The following PYGB variants were observed in gnomAD, a reference collection of about 807,000 sequenced individuals.
PYGB encodes the protein glycogen phosphorylase B, also known as glycogen phosphorylase, brain form.
PYGB carries 82 observed loss-of-function variants against 94.3 expected under a neutral mutation model. The ratio of observed to expected loss-of-function variants is 0.87; its 90% CI spans 0.73 to 1.04. PYGB has a LOEUF of 1.04. Among genes scored for constraint, PYGB ranks in the 50% least tolerant of loss-of-function variants. The pLI is 0.00. For synonymous variants in PYGB, 488 were observed against 479.1 expected (o/e 1.02, Z -0.24); for missense variants, 1,132 against 1,158.2 (o/e 0.98, Z 0.33).
chr20:25,271,509 A>T, intron 4 of PYGB, 23 bp downstream of exon 4: 1 of 1,592,724 alleles, frequency 6.3e-7, no homozygotes, highest in East Asian at 2.2e-5. Context: ...TCATTTCTTC[A>T]CTGGTTTCCA....
intron 5 of PYGB, 93 bp downstream of exon 5, chr20:25,274,816 G>C (rs2088296786): frequency 9.3e-6 from 14 of 1,511,956 alleles, no homozygotes; most frequent in South Asian, 3.8e-5. Context: ...TTTTGGCTTG[G>C]GGGGCTTGCT....
chr20:25,290,568 G>A lies in PYGB; in HGVS notation c.1915G>A (p.Asp639Asn). The A allele has an allele frequency of 1.9e-6, 3 of 1,611,028 alleles. No homozygotes were observed. Among genetic ancestry groups the A allele is most frequent in the Non-Finnish European group, 2.5e-6 (3 of 1,177,298 alleles). The change falls in exon 16 of 20, where the codon GAC becomes AAC. Residue 639 changes from aspartate (D) to asparagine (N), a missense_variant. Coordinates refer to ENST00000216962, the MANE Select transcript of PYGB (RefSeq NM_002862.4). ...CGTCAATCATGACCCAGTTGTGGGT[G>A]ACAGGTTGAAAGTGATCTTCCTGGA... ...DVVNHDPVVGDRLKVIFLENY... is the reference protein window; with the variant it reads ...DVVNHDPVVGNRLKVIFLENY...
chr20:25,268,166 C>CGCCCCG (rs1555806034), intron 2 of PYGB, among the ~76,000 whole-genome samples: 7 of 83,308 alleles, frequency 8.4e-5, no homozygotes, highest in Non-Finnish European at 1.2e-4. Flanking sequence ...CACCCGCCCC[C>CGCCCCG]CCCCCATATC....
intron 14 of PYGB, among the ~76,000 whole-genome samples, chr20:25,287,210 C>T (rs959862786): frequency 6.6e-6 from 1 of 152,250 alleles, no homozygotes; most frequent in Non-Finnish European, 1.5e-5. Flanking sequence ...CTGTGAAGAA[C>T]TTTGGGGGCC....
At chr20:25,252,128 G>A (rs370665002) in intron 1 of PYGB, among the ~76,000 whole-genome samples, 16 of 152,204 alleles carry the variant, frequency 1.1e-4, no homozygotes, top group African/African-American at 2.2e-4. Context: ...ACAGCAGATC[G>A]CTCAAAGTCA....
rs566160143 is a variant in PYGB at position 25,270,326 on chromosome 20, C to A, written c.425-1057C>A. Among the ~76,000 whole-genome samples the A allele has an allele frequency of 1.2e-4, 18 of 151,778 alleles. No homozygotes were observed. The South Asian group carries it at 3.8e-3, about 32-fold the overall frequency. On this transcript the variant is annotated intron_variant, in intron 3 of 19. Coordinates refer to ENST00000216962, the MANE Select transcript of PYGB (RefSeq NM_002862.4). Reference sequence around the variant, plus strand: ...ACGCCATTCTCCTGCCTCAGCCTCCCCAAGTAGCTGGGACTACAGGTGCCC... The same window carrying A: ...ACGCCATTCTCCTGCCTCAGCCTCCACAAGTAGCTGGGACTACAGGTGCCC...
intron 2 of PYGB, among the ~76,000 whole-genome samples, chr20:25,268,161 G>GCCCCCCC (rs11471520): frequency 2.3e-4 from 14 of 62,056 alleles, no homozygotes; most frequent in Non-Finnish European, 2.8e-4. Flanking sequence ...CCTAGCACCC[G>GCCCCCCC]CCCCCCCCCC....
intron 14 of PYGB, among the ~76,000 whole-genome samples, 177 bp downstream of exon 14, chr20:25,284,428 A>C (rs1255583744): frequency 6.6e-6 from 1 of 152,150 alleles, no homozygotes. Context: ...TGTGTGCCCC[A>C]TGCCAGGCCT....
intron 1 of PYGB, among the ~76,000 whole-genome samples, chr20:25,252,210 C>A (rs778451484): frequency 6.6e-6 from 1 of 152,214 alleles, no homozygotes; most frequent in Non-Finnish European, 1.5e-5. Flanking sequence ...GAAGGTAGGC[C>A]TCAGCTGTCA....
chr20:25,260,022 G>A (rs1213405375), intron 2 of PYGB, among the ~76,000 whole-genome samples: 3 of 152,270 alleles, frequency 2.0e-5, no homozygotes, highest in Non-Finnish European at 4.4e-5. Context: ...GTTTGGATGT[G>A]TGTGGGAGGA....
chr20:25,280,801 G>A lies in PYGB; in HGVS notation c.1240-148G>A. Reference sequence around the variant, plus strand: ...CCTGCTGGGTCTGGGAGCACTTGAGGGAGGTCTGGCTGTCACAGCCCCAGA... The same window carrying A: ...CCTGCTGGGTCTGGGAGCACTTGAGAGAGGTCTGGCTGTCACAGCCCCAGA... On this transcript the variant is annotated intron_variant, in intron 10 of 19. Coordinates refer to ENST00000216962, the MANE Select transcript of PYGB (RefSeq NM_002862.4). 2.9e-6 allele frequency: 3 copies of A among 1,031,616 alleles called. No homozygotes were observed. In the East Asian group the frequency reaches 7.5e-5, roughly 26 times the overall value. The allele number at this position is 1,031,616 out of a possible 1,614,324, so 63.9% of individuals were successfully genotyped here.
At chr20:25,264,620 A>T (rs1322437035) in intron 2 of PYGB, among the ~76,000 whole-genome samples, 8 of 152,184 alleles carry the variant, frequency 5.3e-5, no homozygotes, top group Non-Finnish European at 8.8e-5. Flanking sequence ...AAGCATTCCT[A>T]TACACCAATA....
At chr20:25,273,009 T>A (rs2088280629) in intron 4 of PYGB, among the ~76,000 whole-genome samples, 1 of 152,222 alleles carries the variant, frequency 6.6e-6, no homozygotes, top group African/African-American at 2.4e-5. Context: ...GGATGATCAG[T>A]AAGTGAAGCT....
At chr20:25,262,818 A>C (rs1270545181) in intron 2 of PYGB, among the ~76,000 whole-genome samples, 7 of 152,178 alleles carry the variant, frequency 4.6e-5, no homozygotes, top group Non-Finnish European at 1.0e-4. Context: ...TTGCAATCCT[A>C]GTCTCTGATA....
At chr20:25,276,224 G>A (rs1403292453) in intron 5 of PYGB, among the ~76,000 whole-genome samples, 1 of 152,174 alleles carries the variant, frequency 6.6e-6, no homozygotes, top group Admixed American at 6.5e-5. Context: ...GGTGATCTGC[G>A]GGGCAAGCAT....
chr20:25,271,183 G>A (rs796917053), intron 3 of PYGB, among the ~76,000 whole-genome samples, 200 bp from the exon 4 acceptor site: 52 of 152,068 alleles, frequency 3.4e-4, no homozygotes, highest in African/African-American at 6.5e-4. Context: ...CACGCCCTTC[G>A]AGTAGCCACC....
At chr20:25,283,901 G>C (rs2088392672) in intron 13 of PYGB, among the ~76,000 whole-genome samples, 1 of 152,006 alleles carries the variant, frequency 6.6e-6, no homozygotes, top group South Asian at 2.1e-4. Context: ...CCTACTCTTG[G>C]TGTGGACCCA....
At chr20:25,296,232 G>A (rs1026161533) in intron 19 of PYGB, 138 bp from the exon 20 acceptor site, 31 of 1,058,760 alleles carry the variant, frequency 2.9e-5, no homozygotes, top group South Asian at 7.3e-5. Flanking sequence ...ACAAGTGATT[G>A]TAATGTCCTC....
intron 17 of PYGB, among the ~76,000 whole-genome samples, chr20:25,293,153 T>TG (rs2088487755): frequency 2.3e-4 from 3 of 12,920 alleles, no homozygotes; most frequent in East Asian, 2.6e-3. Context: ...GTGGGGGGGA[T>TG]GGGGGGGTTG....
Sources: allele counts gnomAD v4.1 joint callset (sites outside exome capture counted in the v4.1 genomes callset), GRCh38; gene constraint gnomAD v4.1.1; transcripts MANE v1.5; gene names NCBI Gene and HGNC (gene_info 2026-07-23, HGNC 2026-07-21).